The following FBXL2 variants were observed in gnomAD, a reference collection of about 807,000 sequenced individuals.
FBXL2 encodes the protein F-box and leucine rich repeat protein 2.
A neutral mutation model predicts 69.2 loss-of-function variants in FBXL2; 38 were observed. The ratio of observed to expected loss-of-function variants is 0.55; its 90% CI spans 0.42 to 0.72. The LOEUF (loss-of-function observed/expected upper bound fraction) is 0.72, where lower values mean the gene tolerates loss of function less well. Ranked by LOEUF, FBXL2 falls within the 30% of genes least tolerant of loss-of-function variation. The pLI is 0.00. For synonymous variants in FBXL2, 192 were observed against 201.3 expected, an observed-to-expected ratio of 0.95 and a Z score of 0.39; for missense variants, 354 against 520.3, an observed-to-expected ratio of 0.68 and a Z score of 3.11.
At chr3:33,335,992 A>G (rs2039547664) in intron 2 of FBXL2, among the ~76,000 whole-genome samples, 1 of 152,226 alleles carries the variant, frequency 6.6e-6, no homozygotes, top group Non-Finnish European at 1.5e-5. Flanking sequence ...TAAATAAATC[A>G]GGAGGTACGT....
At chr3:33,343,077 T>C (rs2125863212) in intron 2 of FBXL2, among the ~76,000 whole-genome samples, 1 of 151,944 alleles carries the variant, frequency 6.6e-6, no homozygotes, top group East Asian at 1.9e-4. Context: ...GCCATCTGTT[T>C]TTTTTGCTTA....
intron 2 of FBXL2, among the ~76,000 whole-genome samples, chr3:33,326,249 CCAG>C (rs1456513393): frequency 6.6e-6 from 1 of 151,992 alleles, no homozygotes; most frequent in Non-Finnish European, 1.5e-5. Flanking sequence ...GCCTGTAATC[CCAG>C]CACTTTGGGA....
intron 2 of FBXL2, among the ~76,000 whole-genome samples, chr3:33,298,572 G>C (rs532486713): frequency 6.6e-6 from 1 of 151,920 alleles, no homozygotes; most frequent in African/African-American, 2.4e-5. Flanking sequence ...TACTGGGGAG[G>C]CTGAGGCATA....
intron 2 of FBXL2, among the ~76,000 whole-genome samples, chr3:33,311,385 C>T (rs187863541): frequency 6.2e-4 from 94 of 152,164 alleles, no homozygotes; most frequent in African/African-American, 1.8e-3. Flanking sequence ...TTCTCTGCTC[C>T]TTTTGGGATC....
intron 2 of FBXL2, among the ~76,000 whole-genome samples, chr3:33,320,542 C>T (rs533304790): frequency 8.1e-4 from 122 of 150,588 alleles, no homozygotes; most frequent in African/African-American, 1.5e-3. Context: ...AGTGGAGTGG[C>T]GCAATCTCAG....
At chr3:33,327,849 A>G (rs919497270) in intron 2 of FBXL2, among the ~76,000 whole-genome samples, 1 of 152,194 alleles carries the variant, frequency 6.6e-6, no homozygotes, top group South Asian at 2.1e-4. Context: ...GGCCAGTGCA[A>G]TAATTAGGCA....
intron 2 of FBXL2, among the ~76,000 whole-genome samples, chr3:33,316,173 C>T (rs1382762311): frequency 6.6e-6 from 1 of 152,062 alleles, no homozygotes; most frequent in African/African-American, 2.4e-5. Flanking sequence ...ATTCTCTTGC[C>T]TCAGCCTCCT....
chr3:33,331,003 A>G (rs2039118212), intron 2 of FBXL2, among the ~76,000 whole-genome samples: 1 of 150,958 alleles, frequency 6.6e-6, no homozygotes, highest in Admixed American at 6.6e-5. Flanking sequence ...TATATATCTT[A>G]CATGTACCTG....
intron 2 of FBXL2, among the ~76,000 whole-genome samples, chr3:33,314,687 A>G (rs1247083114): frequency 6.6e-6 from 1 of 152,224 alleles, no homozygotes; most frequent in African/African-American, 2.4e-5. Context: ...AAGTTATGCA[A>G]ATATTCCCCT....
Position 33,373,311 on chromosome 3 carries a change from G to C in FBXL2, c.411G>C (p.Leu137=), listed in dbSNP as rs1299303744. The change falls in exon 7 of 15, where the codon CTG becomes CTC. Residue 137 remains leucine (L), a synonymous_variant. Transcript: ENST00000484457. The part of the protein sequence containing the change: ...RFCSKLKHLD[L]TSCVSITNSS... Reference sequence around the variant, plus strand: ...GTTCCAAGCTGAAACATCTGGATCTGACCTCCTGTGTGTCTATTACAAACA... The same window carrying C: ...GTTCCAAGCTGAAACATCTGGATCTCACCTCCTGTGTGTCTATTACAAACA... 1.2e-6 allele frequency: 2 copies of C among 1,613,998 alleles called. No individual in the cohort carries two copies. The highest frequency in any genetic ancestry group is 2.7e-5 in the African/African-American group (2 of 74,908).
At chr3:33,328,858 C>A in intron 2 of FBXL2, among the ~76,000 whole-genome samples, 1 of 150,288 alleles carries the variant, frequency 6.7e-6, no homozygotes, top group Non-Finnish European at 1.5e-5. Context: ...TCACAGGCAA[C>A]CAAAGCAAAA....
intron 12 of FBXL2, among the ~76,000 whole-genome samples, chr3:33,394,508 C>A (rs2043892101): frequency 7.4e-6 from 1 of 135,862 alleles, no homozygotes; most frequent in East Asian, 2.6e-4. Context: ...ACAGAAAGCC[C>A]CAGCCACATT....
In FBXL2 at chr3:33,291,679, AAAAAT is replaced by A. The variant is rs574388110; in HGVS notation, c.4-5983_4-5979del. Among the ~76,000 whole-genome samples, 8 of 152,340 alleles carry A rather than the reference AAAAAT, an allele frequency of 5.3e-5. No homozygotes were observed. In the South Asian group the frequency reaches 1.7e-3, roughly 32 times the overall value. On this transcript the variant is annotated intron_variant, in intron 1 of 14. Transcript: ENST00000484457. ...ATAATCACTAAAGCAAACATTGAAA[AAAAAT>A]ACAGAGAGGTATAGCTGTAAGATCA... is the stretch of plus-strand genomic sequence containing the variant.
chr3:33,314,556 A>C (rs1191020789), intron 2 of FBXL2, among the ~76,000 whole-genome samples: 2 of 152,180 alleles, frequency 1.3e-5, no homozygotes, highest in African/African-American at 4.8e-5. Flanking sequence ...AAACCATGGT[A>C]ATGAACTTTT....
intron 2 of FBXL2, among the ~76,000 whole-genome samples, chr3:33,353,830 G>A (rs1442071217): frequency 6.6e-6 from 1 of 152,144 alleles, no homozygotes; most frequent in African/African-American, 2.4e-5. Flanking sequence ...TGAGGCTGCA[G>A]TGAGCCATGA....
Position 33,385,837 on chromosome 3 carries a change from G to C in FBXL2, c.*229G>C, listed in dbSNP as rs948587010. 3.6e-6 allele frequency: 2 copies of C among 552,186 alleles called. No homozygotes were observed. Among genetic ancestry groups the C allele is most frequent in the African/African-American group, 3.8e-5 (2 of 52,798 alleles). 34.2% of individuals were successfully genotyped at this position (552,186 alleles called of 1,614,324 possible). A position where few individuals can be genotyped will look rare whatever the true frequency, so the allele number is the denominator to read the frequency against. ...TGTGTCAGTTAACACATGACAAGTG[G>C]TCTCAATGCAGCTAGGACCATGCCA... is the stretch of plus-strand genomic sequence containing the variant. On this transcript the variant is annotated 3_prime_UTR_variant, in exon 15 of 15. Coordinates refer to ENST00000484457, the MANE Select transcript of FBXL2 (RefSeq NM_012157.5).
chr3:33,407,219 C>T (rs1341505205), downstream of FBXL2, among the ~76,000 whole-genome samples: 2 of 152,082 alleles, frequency 1.3e-5, no homozygotes, highest in East Asian at 3.8e-4. Context: ...ATGTGAAATC[C>T]CAGGCCAGTG....
chr3:33,302,738 G>A (rs183776124), intron 2 of FBXL2, among the ~76,000 whole-genome samples: 2 of 151,952 alleles, frequency 1.3e-5, no homozygotes, highest in East Asian at 3.9e-4. Flanking sequence ...AAATTTATTG[G>A]CTTGATAAAG....
intron 2 of FBXL2, among the ~76,000 whole-genome samples, chr3:33,315,594 T>C (rs2037614867): frequency 6.6e-6 from 1 of 152,178 alleles, no homozygotes; most frequent in Non-Finnish European, 1.5e-5. Context: ...TTTTGTTTAC[T>C]CACTTTGGTG....
Sources: allele counts gnomAD v4.1 joint callset (sites outside exome capture counted in the v4.1 genomes callset), GRCh38; gene constraint gnomAD v4.1.1; transcripts MANE v1.5; gene names NCBI Gene and HGNC (gene_info 2026-07-23, HGNC 2026-07-21).